The following DLC1 variants were observed in gnomAD, a reference collection of about 807,000 sequenced individuals.
The protein encoded by DLC1 is rho GTPase-activating protein 7.
In DLC1, 54 loss-of-function variants were observed where a neutral mutation model predicts 140.3. That is an observed-to-expected ratio of 0.38 (90% CI 0.31 to 0.48). The LOEUF (loss-of-function observed/expected upper bound fraction) is 0.48. Ranked by LOEUF, DLC1 falls within the 20% of genes least tolerant of loss-of-function variation. DLC1 has a pLI of 0.96. For synonymous variants in DLC1, 986 were observed against 728.1 expected (o/e 1.35, Z -5.70); for missense variants, 2,536 against 1,907.0 (o/e 1.33, Z -6.14).
At chr8:13,416,116 G>A (rs1838044628) in intron 2 of DLC1, among the ~76,000 whole-genome samples, 1 of 152,174 alleles carries the variant, frequency 6.6e-6, no homozygotes, top group Non-Finnish European at 1.5e-5. Flanking sequence ...GTGTACCCAT[G>A]TACCCTGATG....
At chr8:13,597,293 T>A (rs925060181) in intron 1 of DLC1, among the ~76,000 whole-genome samples, 6 of 152,052 alleles carry the variant, frequency 3.9e-5, no homozygotes, top group African/African-American at 1.4e-4. Context: ...ATTTTGAAGC[T>A]AGAAGAATGA....
intron 1 of DLC1, among the ~76,000 whole-genome samples, chr8:13,546,087 T>C (rs971400879): frequency 6.6e-5 from 10 of 152,096 alleles, no homozygotes; most frequent in Non-Finnish European, 1.2e-4. Flanking sequence ...TTATCTATTA[T>C]AAAGTCAAAA....
At chr8:13,086,182 C>G in intron 17 of DLC1, 108 bp downstream of exon 17, 2 of 1,441,862 alleles carry the variant, frequency 1.4e-6, no homozygotes, top group South Asian at 2.8e-5. Flanking sequence ...TTCATGAAGT[C>G]ACCAAGAAAA....
At chr8:13,325,054 AAACAGATAT>A (rs1414640898) in intron 4 of DLC1, among the ~76,000 whole-genome samples, 1 of 152,258 alleles carries the variant, frequency 6.6e-6, no homozygotes, top group Non-Finnish European at 1.5e-5. Context: ...ATCACATAGA[AAACAGATAT>A]AACAAAGGTA....
intron 5 of DLC1, among the ~76,000 whole-genome samples, chr8:13,170,469 G>A (rs1186602161): frequency 1.3e-5 from 2 of 152,140 alleles, no homozygotes; most frequent in Non-Finnish European, 1.5e-5. Context: ...GGTGGCTCAC[G>A]CCTGTAATCC....
intron 5 of DLC1, among the ~76,000 whole-genome samples, chr8:13,234,222 A>C (rs1348448744): frequency 6.6e-6 from 1 of 152,142 alleles, no homozygotes; most frequent in African/African-American, 2.4e-5. Flanking sequence ...TGCATTCTCA[A>C]AGCTTAAGGC....
rs7823135 is a variant in DLC1 at position 13,348,414 on chromosome 8, C to G, written c.1315-43112G>C. Among the ~76,000 whole-genome samples, 302 of 152,204 alleles carry G rather than the reference C, an allele frequency of 2.0e-3. 2 individuals carry two copies. The highest frequency in any genetic ancestry group is 7.0e-3 in the African/African-American group (292 of 41,538). Reference sequence around the variant, plus strand: ...TTATTCTTTAGAGGATAGGGTCCTACTGAAATTTAAACATGTGACATTGAG... The same window carrying G: ...TTATTCTTTAGAGGATAGGGTCCTAGTGAAATTTAAACATGTGACATTGAG... On this transcript the variant is annotated intron_variant, in intron 4 of 17. Coordinates refer to ENST00000276297, the MANE Select transcript of DLC1 (RefSeq NM_182643.3).
intron 1 of DLC1, among the ~76,000 whole-genome samples, chr8:13,582,160 C>A (rs1440953787): frequency 2.6e-5 from 4 of 152,110 alleles, no homozygotes; most frequent in Admixed American, 2.6e-4. Flanking sequence ...AGCTCTTTTT[C>A]CAACGGTTGG....
rs922404810 is a variant in DLC1, at chr8:13,095,373, A to G, written c.3168-128T>C. The G allele has an allele frequency of 3.5e-6, 4 of 1,155,376 alleles. No homozygotes were observed. The African/African-American group carries it at 6.2e-5, about 18-fold the overall frequency. The allele number at this position is 1,155,376 out of a possible 1,614,324, so 71.6% of individuals were successfully genotyped here. A position where few individuals can be genotyped will look rare whatever the true frequency, so the allele number is the denominator to read the frequency against. ...GCTAATACGGTGGCTACTTAAATTT[A>G]AATTAAACAAAATGACAAATTCAGT... is the stretch of plus-strand genomic sequence containing the variant. On this transcript the variant is annotated intron_variant, in intron 10 of 17. Transcript: ENST00000276297.
intron 1 of DLC1, among the ~76,000 whole-genome samples, chr8:13,546,417 A>G (rs571509994): frequency 3.0e-4 from 46 of 152,282 alleles, no homozygotes; most frequent in African/African-American, 1.0e-3. Flanking sequence ...CCATAACAGG[A>G]TTGGATTGCA....
At chr8:13,350,183 C>G (rs1235279603) in intron 4 of DLC1, among the ~76,000 whole-genome samples, 1 of 152,188 alleles carries the variant, frequency 6.6e-6, no homozygotes, top group Non-Finnish European at 1.5e-5. Context: ...ATTCCTTCTT[C>G]TTACAAAATA....
At chr8:13,182,009 A>ATTTC (rs1278124669) in intron 5 of DLC1, among the ~76,000 whole-genome samples, 2 of 152,070 alleles carry the variant, frequency 1.3e-5, no homozygotes, top group African/African-American at 4.8e-5. Context: ...TTGTTTCCTG[A>ATTTC]CTTTTTAATG....
chr8:13,103,465 G>C (rs1482420986), intron 7 of DLC1, among the ~76,000 whole-genome samples: 1 of 151,938 alleles, frequency 6.6e-6, no homozygotes, highest in Non-Finnish European at 1.5e-5. Flanking sequence ...CTCTCAATGA[G>C]TTGTTCTTAC....
At chr8:13,115,743 C>G in intron 5 of DLC1, 86 bp from the exon 6 acceptor site, 1 of 1,225,944 alleles carries the variant, frequency 8.2e-7, no homozygotes, top group South Asian at 1.3e-5. Context: ...TTTTATGATA[C>G]AAGCAAAACA....
chr8:13,218,919 T>G (rs1828363379), intron 5 of DLC1, among the ~76,000 whole-genome samples: 1 of 128,644 alleles, frequency 7.8e-6, no homozygotes, highest in African/African-American at 3.1e-5. Flanking sequence ...AATATATAAT[T>G]ATATAATTAC....
chr8:13,381,185 C>G (rs917353871), intron 4 of DLC1, among the ~76,000 whole-genome samples: 9 of 152,102 alleles, frequency 5.9e-5, no homozygotes, highest in Non-Finnish European at 1.5e-5. Flanking sequence ...ACTGGCAGTG[C>G]TTGTGTTTCT....
At chr8:13,252,084 G>C (rs1275337694) in intron 5 of DLC1, among the ~76,000 whole-genome samples, 2 of 152,082 alleles carry the variant, frequency 1.3e-5, no homozygotes, top group African/African-American at 4.8e-5. Context: ...TTATTGACTG[G>C]ATATGGATGT....
chr8:13,585,630 G>A (rs1805278427), intron 1 of DLC1, among the ~76,000 whole-genome samples: 1 of 152,192 alleles, frequency 6.6e-6, no homozygotes, highest in Non-Finnish European at 1.5e-5. Context: ...TATCACCAGG[G>A]TTTGTTCCTT....
intron 5 of DLC1, among the ~76,000 whole-genome samples, chr8:13,268,894 A>AGAT (rs1830800667): frequency 1.4e-5 from 1 of 73,280 alleles, no homozygotes; most frequent in South Asian, 4.7e-4. Context: ...TTTTTTTTTG[A>AGAT]GATGGAGTCT....
Sources: gnomAD v4.1 joint callset for allele counts (sites outside exome capture counted in the v4.1 genomes callset) on GRCh38, gnomAD v4.1.1 for gene constraint, MANE v1.5 for transcripts, NCBI Gene and HGNC (gene_info 2026-07-23, HGNC 2026-07-21) for gene names.